ANKRD30A: variants seen among roughly 807,000 people sequenced by gnomAD.
ANKRD30A encodes the protein ankyrin repeat domain 30A, also known as ankyrin repeat domain-containing protein 30A.
ANKRD30A carries 170 observed loss-of-function variants against 166.3 expected under a neutral mutation model. That is an observed-to-expected ratio of 1.02 (90% confidence interval 0.90 to 1.16). The LOEUF (loss-of-function observed/expected upper bound fraction) is 1.16. Among genes scored for constraint, ANKRD30A ranks in the 50% most tolerant of loss-of-function variants. The probability of loss-of-function intolerance (pLI) is 0.00; values close to 1 mark genes in which losing one functional copy is unlikely to be tolerated. For synonymous variants in ANKRD30A, 564 were observed against 508.9 expected, an observed-to-expected ratio of 1.11 and a Z score of -1.46; for missense variants, 1,630 against 1,518.0, an observed-to-expected ratio of 1.07 and a Z score of -1.23.
intron 13 of ANKRD30A, among the ~76,000 whole-genome samples, chr10:37,157,119 C>T (rs553158446): frequency 1.3e-5 from 2 of 152,282 alleles, no homozygotes; most frequent in South Asian, 4.1e-4. Context: ...TATTTGAAGA[C>T]ATGAGATCTA....
At chr10:37,161,812 T>C (rs1838902464) in intron 15 of ANKRD30A, among the ~76,000 whole-genome samples, 1 of 152,146 alleles carries the variant, frequency 6.6e-6, no homozygotes, top group Non-Finnish European at 1.5e-5. Context: ...TTTGGTAAAA[T>C]TGCCATTCCA....
chr10:37,171,221 G>A (rs1290052452), intron 21 of ANKRD30A, among the ~76,000 whole-genome samples: 1 of 128,814 alleles, frequency 7.8e-6, no homozygotes, highest in Non-Finnish European at 1.7e-5. Flanking sequence ...TTGATTTAAG[G>A]CCTCATAGTT....
chr10:37,142,413 C>G, intron 7 of ANKRD30A, 123 bp downstream of exon 7: 1 of 849,536 alleles, frequency 1.2e-6, no homozygotes, highest in Non-Finnish European at 1.8e-6. Context: ...TTAGGCAACA[C>G]TTTTTAATAG....
chr10:37,196,800 T>A (rs2132677249), intron 27 of ANKRD30A, among the ~76,000 whole-genome samples: 1 of 152,256 alleles, frequency 6.6e-6, no homozygotes, highest in Admixed American at 6.5e-5. Context: ...TCATTTTAAG[T>A]ATTATGACCT....
chr10:37,248,955 C>T, the ANKRD30A span, among the ~76,000 whole-genome samples: 1 of 152,156 alleles, frequency 6.6e-6, no homozygotes, highest in Non-Finnish European at 1.5e-5. Flanking sequence ...GGCCATGCTG[C>T]TGTCTTGGGT....
intron 5 of ANKRD30A, among the ~76,000 whole-genome samples, chr10:37,134,692 T>C (rs900778768): frequency 1.2e-4 from 18 of 152,172 alleles, no homozygotes; most frequent in African/African-American, 4.1e-4. Flanking sequence ...GCCACACACG[T>C]AGTGAGCAAA....
intron 34 of ANKRD30A, among the ~76,000 whole-genome samples, chr10:37,224,573 C>G (rs2132755324): frequency 6.6e-6 from 1 of 151,074 alleles, no homozygotes; most frequent in Non-Finnish European, 1.5e-5. Flanking sequence ...GTGTTTTTGC[C>G]ACTCAGATTA....
chr10:37,206,356 C>T (rs570348109), intron 31 of ANKRD30A, among the ~76,000 whole-genome samples: 3 of 152,062 alleles, frequency 2.0e-5, no homozygotes, highest in South Asian at 2.1e-4. Context: ...CTAGATTTGG[C>T]GACTCCCACA....
At chr10:37,140,293 G>A (rs1354366744) in intron 6 of ANKRD30A, among the ~76,000 whole-genome samples, 3 of 152,138 alleles carry the variant, frequency 2.0e-5, no homozygotes, top group Non-Finnish European at 4.4e-5. Flanking sequence ...GTGTGACATA[G>A]TGACTCGTGT....
chr10:37,189,686 A>G (rs1840368664), intron 25 of ANKRD30A, 129 bp downstream of exon 25: 1 of 603,308 alleles, frequency 1.7e-6, no homozygotes, highest in African/African-American at 2.0e-5. Context: ...GAGAAGTGCA[A>G]TGGTCATAAG....
chr10:37,159,977 G>T (rs181591980), intron 15 of ANKRD30A, among the ~76,000 whole-genome samples: 1 of 152,158 alleles, frequency 6.6e-6, no homozygotes, highest in Non-Finnish European at 1.5e-5. Flanking sequence ...GGAATTACAG[G>T]CGTGAGGCAC....
chr10:37,138,932 C>T (rs1836911929), intron 6 of ANKRD30A, among the ~76,000 whole-genome samples: 1 of 152,240 alleles, frequency 6.6e-6, no homozygotes, highest in African/African-American at 2.4e-5. Flanking sequence ...TTGGCAGATT[C>T]ACCAAAGTTG....
chr10:37,212,135 A>C (rs1405040261), intron 31 of ANKRD30A, among the ~76,000 whole-genome samples: 1 of 152,074 alleles, frequency 6.6e-6, no homozygotes. Flanking sequence ...GTCTCAGCCC[A>C]AAATCTTCTC....
At position 37,219,112 on chromosome 10, in the gene ANKRD30A, G is replaced by A; in HGVS notation, c.3400G>A (p.Glu1134Lys). The A allele has an allele frequency of 6.2e-7, 1 of 1,609,676 alleles. No individual in the cohort carries two copies. Among genetic ancestry groups the A allele is most frequent in the Non-Finnish European group, 8.5e-7 (1 of 1,177,038 alleles). ...QYQEKENKYF[E>K]DIKILKEKNA... ...CCAGGAAAAGGAAAATAAATACTTT[G>A]AGGACATTAAGATTTTAAAAGAAAA... The change falls in exon 34 of 36, where the codon GAG becomes AAG. Residue 1134 changes from glutamate (E) to lysine (K), a missense_variant. Glu to Lys is a moderately conservative substitution (Grantham distance 56). Around this residue, in one of 4 missense-constraint regions of ANKRD30A, gnomAD observed 712 missense variants for 629.3 expected, o/e 1.13. Coordinates refer to ENST00000361713, the MANE Select transcript of ANKRD30A (RefSeq NM_052997.3).
chr10:37,136,297 C>A (rs1836679646), intron 5 of ANKRD30A, among the ~76,000 whole-genome samples: 1 of 152,082 alleles, frequency 6.6e-6, no homozygotes, highest in Non-Finnish European at 1.5e-5. Context: ...AGAAAAAATA[C>A]CCGTTGGTAA....
At chr10:37,150,153 C>T (rs776800837) in intron 11 of ANKRD30A, among the ~76,000 whole-genome samples, 9 of 151,994 alleles carry the variant, frequency 5.9e-5, no homozygotes, top group Non-Finnish European at 1.0e-4. Flanking sequence ...AAACTCTTAA[C>T]TTCTTTTAGT....
rs1842800131 is a variant in ANKRD30A at position 37,219,796 on chromosome 10, C to G, written c.4084C>G (p.Gln1362Glu). ...IDIHFLERKM[Q>E]HHLLKEKNEE... ...TATTCATTTTCTTGAGAGGAAAATG[C>G]AACATCATCTCCTAAAAGAGAAAAA... Residue 1362 changes from glutamine to glutamate, a missense_variant, in exon 34 of 36, where the codon CAA becomes GAA. Gln to Glu is a conservative substitution (Grantham distance 29). Coordinates refer to ENST00000361713, the MANE Select transcript of ANKRD30A (RefSeq NM_052997.3). 6.2e-7 allele frequency: 1 copy of G among 1,606,072 alleles called. No homozygotes were observed. The highest frequency in any genetic ancestry group is 1.7e-5 in the Admixed American group (1 of 59,290).
At chr10:37,228,213 A>G (rs1260153491) in intron 34 of ANKRD30A, among the ~76,000 whole-genome samples, 1 of 152,050 alleles carries the variant, frequency 6.6e-6, no homozygotes, top group Non-Finnish European at 1.5e-5. Flanking sequence ...TAATAGTGAA[A>G]TTAGTTGTTT....
the ANKRD30A span, among the ~76,000 whole-genome samples, chr10:37,238,776 T>C: frequency 5.9e-5 from 9 of 152,178 alleles, no homozygotes; most frequent in African/African-American, 1.4e-4. Flanking sequence ...TATATTTTCA[T>C]AGTGTTTATT....
Sources: gnomAD v4.1 joint callset for allele counts (sites outside exome capture counted in the v4.1 genomes callset) on GRCh38, gnomAD v4.1.1 for gene constraint, gnomAD v4.1.1 regional missense constraint, MANE v1.5 for transcripts, NCBI Gene and HGNC (gene_info 2026-07-23, HGNC 2026-07-21) for gene names.